The following PSMF1 variants were observed in gnomAD, a reference collection of about 807,000 sequenced individuals.
PSMF1 encodes proteasome inhibitor PI31 subunit.
A neutral mutation model predicts 29.3 loss-of-function variants in PSMF1; 30 were observed. The ratio of observed to expected loss-of-function variants is 1.02; its 90% CI spans 0.77 to 1.39. The LOEUF is 1.39. PSMF1 is among the 40% of genes most tolerant of loss of function. The pLI, the probability that PSMF1 is intolerant of heterozygous loss-of-function variation, is 0.00. For synonymous variants in PSMF1, 134 were observed against 139.7 expected, an observed-to-expected ratio of 0.96 and a Z score of 0.29; for missense variants, 344 against 357.5, an observed-to-expected ratio of 0.96 and a Z score of 0.31.
intron 1 of PSMF1, among the ~76,000 whole-genome samples, chr20:1,122,300 T>C (rs868782113): frequency 1.3e-3 from 9 of 7,078 alleles, no homozygotes; most frequent in African/African-American, 2.0e-3. Context: ...CTTTTCTTTT[T>C]TTTTTTTTTT....
chr20:1,154,278 A>G (rs1384751187), intron 4 of PSMF1, among the ~76,000 whole-genome samples: 1 of 152,166 alleles, frequency 6.6e-6, no homozygotes, highest in Non-Finnish European at 1.5e-5. Flanking sequence ...AGCATAATTT[A>G]TGTATATTTT....
At chr20:1,147,132 CGTT>C (rs2086460217) in intron 4 of PSMF1, among the ~76,000 whole-genome samples, 1 of 139,926 alleles carries the variant, frequency 7.1e-6, no homozygotes, top group Admixed American at 7.4e-5. Flanking sequence ...ACATTGTTTC[CGTT>C]ATCATCATCA....
At chr20:1,147,348 C>T (rs1441264485) in intron 4 of PSMF1, among the ~76,000 whole-genome samples, 1 of 152,166 alleles carries the variant, frequency 6.6e-6, no homozygotes, top group East Asian at 1.9e-4. Context: ...AGGGAGGTAA[C>T]GTAGCTTCTC....
Position 1,170,108 on chromosome 20 carries a change from A to G in PSMF1, c.*5028A>G, listed in dbSNP as rs1301717885. 6.6e-6 allele frequency among the ~76,000 whole-genome samples: 1 copy of G among 152,176 alleles called. No homozygotes were observed. The highest frequency in any genetic ancestry group is 1.5e-5 in the Non-Finnish European group (1 of 68,038). Reference sequence around the variant, plus strand: ...ATGCAAGTTTGAGAACTGAGAAGGGAGGGGAAGACCTACCTCCTTGTTACT... The same window carrying G: ...ATGCAAGTTTGAGAACTGAGAAGGGGGGGGAAGACCTACCTCCTTGTTACT... On this transcript the variant is annotated 3_prime_UTR_variant, in exon 7 of 7. Transcript: ENST00000335877.
rs2086689391 is a variant in PSMF1, at chr20:1,163,293, A to G, written c.605+110A>G. The G allele has an allele frequency of 3.2e-6, 4 of 1,256,548 alleles. No individual in the cohort carries two copies. The highest frequency in any genetic ancestry group is 4.5e-6 in the Non-Finnish European group (4 of 880,924). 77.8% of individuals were successfully genotyped at this position (1,256,548 alleles called of 1,614,324 possible). On this transcript the variant is annotated intron_variant, in intron 5 of 6. Coordinates refer to ENST00000335877, the MANE Select transcript of PSMF1 (RefSeq NM_006814.5). The surrounding 1 kb of genome is among the most constrained non-coding windows in gnomAD (Gnocchi z 6.1). Reference sequence around the variant, plus strand: ...CGGTCAGTCTCTTCCTTTGGGGTGGAGGAGGCAGTTGTTGCTGAGCAGCTG... The same window carrying G: ...CGGTCAGTCTCTTCCTTTGGGGTGGGGGAGGCAGTTGTTGCTGAGCAGCTG...
At chr20:1,123,547 A>G (rs748535883) in intron 1 of PSMF1, among the ~76,000 whole-genome samples, 4 of 152,042 alleles carry the variant, frequency 2.6e-5, no homozygotes, top group Non-Finnish European at 5.9e-5. Flanking sequence ...TTTTTCTTTT[A>G]TATATAATAC....
intron 4 of PSMF1, chr20:1,161,111 A>T: frequency 2.2e-6 from 1 of 463,086 alleles, no homozygotes; most frequent in Non-Finnish European, 3.7e-6. Context: ...CTGCGTCTGG[A>T]CCTGGCTGGC....
intron 4 of PSMF1, among the ~76,000 whole-genome samples, chr20:1,144,912 T>A (rs2086429967): frequency 6.6e-6 from 1 of 152,084 alleles, no homozygotes; most frequent in Non-Finnish European, 1.5e-5. Flanking sequence ...TTTTTTTCTT[T>A]TTAGACAGAG....
chr20:1,123,452 AT>A (rs1227890474), intron 1 of PSMF1, among the ~76,000 whole-genome samples: 1 of 152,228 alleles, frequency 6.6e-6, no homozygotes, highest in East Asian at 1.9e-4. Flanking sequence ...AGATTATAGC[AT>A]TTTTTTGTGC....
At position 1,135,152 on chromosome 20, in the gene PSMF1, C is replaced by G. The variant is rs779635176; in HGVS notation, c.397C>G (p.Arg133Gly). 7.4e-6 allele frequency: 12 copies of G among 1,614,010 alleles called. No individual in the cohort carries two copies. Among genetic ancestry groups the G allele is most frequent in the Non-Finnish European group, 1.0e-5 (12 of 1,180,034 alleles). Residue 133 changes from arginine (R) to glycine (G), a missense_variant, in exon 4 of 7, where the codon CGT (arginine) becomes GGT (glycine). Transcript: ENST00000335877. Reference protein sequence around the residue: ...TYKNSEELRSRIVSGIITPIH... With the variant: ...TYKNSEELRSGIVSGIITPIH... ...CAAGAACAGTGAGGAGCTTCGGTCT[C>G]GTATTGTGTCTGGAATCATCACACC...
intron 3 of PSMF1, chr20:1,134,819 A>G (rs567120087): frequency 5.5e-5 from 25 of 450,496 alleles, no homozygotes; most frequent in South Asian, 4.5e-4. Context: ...GCGGGTGAGG[A>G]CAGAGGAGTA....
intron 4 of PSMF1, among the ~76,000 whole-genome samples, chr20:1,156,771 G>A (rs2086599776): frequency 6.6e-6 from 1 of 152,280 alleles, no homozygotes; most frequent in East Asian, 1.9e-4. Context: ...TTAAAAGGAA[G>A]TTCCTCAGAC....
chr20:1,162,479 A>G (rs1175793975), intron 4 of PSMF1, among the ~76,000 whole-genome samples: 2 of 152,208 alleles, frequency 1.3e-5, no homozygotes, highest in Non-Finnish European at 2.9e-5. Flanking sequence ...TTACAGAGAT[A>G]ATATAGAATT....
chr20:1,162,780 G>A (rs1356079916), intron 4 of PSMF1, among the ~76,000 whole-genome samples: 1 of 152,042 alleles, frequency 6.6e-6, no homozygotes, highest in African/African-American at 2.4e-5. Flanking sequence ...TTGGTTTTGG[G>A]TTTAAGAATA....
chr20:1,114,022 C>T (rs896504081), upstream of PSMF1, among the ~76,000 whole-genome samples: 1 of 152,164 alleles, frequency 6.6e-6, no homozygotes, highest in Non-Finnish European at 1.5e-5. Context: ...CATGGCTTAC[C>T]CCCGGTCAGG....
chr20:1,125,457 TG>T, intron 1 of PSMF1, 40 bp from the exon 2 acceptor site: 1 of 1,555,898 alleles, frequency 6.4e-7, no homozygotes, highest in Non-Finnish European at 8.7e-7. Context: ...TTCTGTGTTT[TG>T]AGTTCATGAT....
chr20:1,137,353 C>T (rs1238476145), intron 4 of PSMF1, among the ~76,000 whole-genome samples: 4 of 152,152 alleles, frequency 2.6e-5, no homozygotes, highest in African/African-American at 9.7e-5. Context: ...CGATAGGGGA[C>T]TTTATATTAG....
Position 1,170,786 on chromosome 20 carries a change from G to A in PSMF1, c.*5706G>A, listed in dbSNP as rs998410868. 6.6e-6 allele frequency among the ~76,000 whole-genome samples: 1 copy of A among 152,054 alleles called. No homozygotes were observed. The highest frequency in any genetic ancestry group is 1.5e-5 in the Non-Finnish European group (1 of 68,016). ...TGCAATTGTTACTAAAGTCATATGG[G>A]TAGATAAGGGTGGGACTCAAGGACA... is the stretch of plus-strand genomic sequence containing the variant. On this transcript the variant is annotated 3_prime_UTR_variant, in exon 7 of 7. Transcript: ENST00000335877.
chr20:1,150,621 A>G (rs1449871332), intron 4 of PSMF1, among the ~76,000 whole-genome samples: 1 of 151,816 alleles, frequency 6.6e-6, no homozygotes, highest in Non-Finnish European at 1.5e-5. Context: ...TCTTTTTATG[A>G]CTTGTTGGCA....
Sources: gnomAD v4.1 joint callset for allele counts (sites outside exome capture counted in the v4.1 genomes callset) on GRCh38, gnomAD v4.1.1 for gene constraint, Gnocchi (gnomAD v3.1) non-coding constraint, MANE v1.5 for transcripts, NCBI Gene and HGNC (gene_info 2026-07-23, HGNC 2026-07-21) for gene names.